The following DOCK1 variants were observed in gnomAD, a reference collection of about 807,000 sequenced individuals.
DOCK1 encodes dedicator of cytokinesis protein 1.
DOCK1 carries 138 observed loss-of-function variants against 262.7 expected under a neutral mutation model. That is an observed-to-expected ratio of 0.53 (90% CI 0.46 to 0.61). The LOEUF (loss-of-function observed/expected upper bound fraction) is 0.61. Ranked by LOEUF, DOCK1 falls within the 20% of genes least tolerant of loss-of-function variation. DOCK1 has a pLI of 0.00. For missense variants in DOCK1, 1,908 were observed against 2,370.7 expected (o/e 0.80, Z 4.05); for synonymous variants, 866 against 867.4 (o/e 1.00, Z 0.03).
intron 12 of DOCK1, 160 bp from the exon 13 acceptor site, chr10:127,018,550 C>T: frequency 9.0e-7 from 1 of 1,108,822 alleles, no homozygotes; most frequent in Non-Finnish European, 1.3e-6. Context: ...CCACGACAGG[C>T]ACCTTTTGCC....
chr10:127,329,797 G>A (rs912829723), intron 29 of DOCK1, among the ~76,000 whole-genome samples: 3 of 152,146 alleles, frequency 2.0e-5, no homozygotes, highest in Non-Finnish European at 4.4e-5. Flanking sequence ...AGGAGGTAGA[G>A]GCGAATAAGA....
chr10:126,947,081 T>C (rs934691678), intron 1 of DOCK1, among the ~76,000 whole-genome samples: 2 of 152,262 alleles, frequency 1.3e-5, no homozygotes, highest in African/African-American at 4.8e-5. Context: ...TCCTTCCTCC[T>C]GCTCTTTGCC....
chr10:127,223,700 G>A (rs572599257), intron 27 of DOCK1, among the ~76,000 whole-genome samples: 86 of 152,276 alleles, frequency 5.6e-4, no homozygotes, highest in African/African-American at 1.9e-3. Context: ...AAGACATCAA[G>A]CATCAAGTGA....
chr10:127,108,711 C>T (rs1270974507), intron 24 of DOCK1, among the ~76,000 whole-genome samples: 1 of 152,230 alleles, frequency 6.6e-6, no homozygotes, highest in African/African-American at 2.4e-5. Flanking sequence ...GCCGATCCAT[C>T]CCATGCTGGC....
chr10:127,283,983 C>T (rs2061057213), intron 29 of DOCK1, among the ~76,000 whole-genome samples: 1 of 152,106 alleles, frequency 6.6e-6, no homozygotes, highest in Non-Finnish European at 1.5e-5. Flanking sequence ...CGCCAGAATT[C>T]AATATTGTCT....
intron 19 of DOCK1, among the ~76,000 whole-genome samples, chr10:127,040,024 C>T (rs568875763): frequency 7.2e-5 from 11 of 152,244 alleles, no homozygotes; most frequent in African/African-American, 2.6e-4. Flanking sequence ...CGTGCAGCTC[C>T]ATCTCCCTGT....
At chr10:126,965,335 G>A (rs2037583621) in intron 1 of DOCK1, among the ~76,000 whole-genome samples, 1 of 152,186 alleles carries the variant, frequency 6.6e-6, no homozygotes. Flanking sequence ...AGGGCAGGTG[G>A]AGCCGAGGAG....
Position 127,043,086 on chromosome 10 carries a change from CT to C in DOCK1, c.2124del (p.Asp709IlefsTer23). ...DALVFIIGLI[A>X]DRKFQHFNPV... ...CAGGTATTTATCATTGGACTGATTG[CT>C]GATAGAAAATTTCAGCATTTTAATC... On this transcript the variant is annotated frameshift_variant, in exon 21 of 52. Transcript: ENST00000623213. LOFTEE classifies it high-confidence loss of function. The C allele has an allele frequency of 6.2e-7, 1 of 1,609,032 alleles. No homozygotes were observed. Among genetic ancestry groups the C allele is most frequent in the Non-Finnish European group, 8.5e-7 (1 of 1,177,332 alleles).
intron 27 of DOCK1, among the ~76,000 whole-genome samples, chr10:127,144,948 G>T (rs2133352998): frequency 6.6e-6 from 1 of 151,426 alleles, no homozygotes; most frequent in African/African-American, 2.4e-5. Flanking sequence ...TATGATTATA[G>T]TTTTTTTAAA....
At chr10:127,137,575 A>T in intron 27 of DOCK1, 1 of 365,138 alleles carries the variant, frequency 2.7e-6, no homozygotes, top group Non-Finnish European at 4.9e-6. Flanking sequence ...TTTACTTATC[A>T]TCTTTGACTA....
At chr10:127,136,903 C>T (rs900845161) in intron 27 of DOCK1, 3 of 152,594 alleles carry the variant, frequency 2.0e-5, no homozygotes, top group Admixed American at 6.5e-5. Flanking sequence ...AACAGTGTCT[C>T]GGAGGATCGA....
At chr10:126,951,235 A>T (rs1268798593) in intron 1 of DOCK1, among the ~76,000 whole-genome samples, 1 of 147,264 alleles carries the variant, frequency 6.8e-6, no homozygotes, top group Non-Finnish European at 1.5e-5. Context: ...TGATGGTGGT[A>T]GTATTGTTGG....
chr10:127,201,146 C>G (rs6482725), intron 27 of DOCK1, among the ~76,000 whole-genome samples: 24,806 of 152,298 alleles, frequency 0.16, 2,240 homozygotes, highest in African/African-American at 0.23. Flanking sequence ...CAGACACAAT[C>G]CTCAAGGTGC....
rs2066022703 is a variant in DOCK1, at chr10:127,384,927, A to G, written c.3927+18A>G. ...AAGGCAAGGTAAAACACAAAAAGCA[A>G]TTGTCCTTGTTTTCCTCTTTCCATG... On this transcript the variant is annotated intron_variant, in intron 38 of 51. Transcript: ENST00000623213. 6.4e-6 allele frequency: 10 copies of G among 1,570,098 alleles called. No individual in the cohort carries two copies. The highest frequency in any genetic ancestry group is 1.4e-5 in the African/African-American group (1 of 73,314).
chr10:127,450,747 A>AAGCC (rs1191180913), intron 51 of DOCK1, among the ~76,000 whole-genome samples: 1 of 152,166 alleles, frequency 6.6e-6, no homozygotes, highest in Non-Finnish European at 1.5e-5. Flanking sequence ...CCATGAGCTG[A>AAGCC]AGCCAGCCAG....
intron 46 of DOCK1, among the ~76,000 whole-genome samples, chr10:127,420,358 G>A (rs2068428227): frequency 2.0e-5 from 3 of 152,312 alleles, no homozygotes; most frequent in South Asian, 4.1e-4. Context: ...ATGCATCTGT[G>A]CTTCTCAGAG....
chr10:126,967,997 G>A (rs1045590719), intron 1 of DOCK1, among the ~76,000 whole-genome samples: 6 of 151,936 alleles, frequency 3.9e-5, no homozygotes, highest in African/African-American at 1.5e-4. Flanking sequence ...TGTAATTTTA[G>A]TAGAGACGGG....
rs569508186 is a variant in DOCK1 at position 127,159,400 on chromosome 10, C to T, written c.2847+31636C>T. ...AGCTACCTTATACCTTTATAATAATCGGCTCTAATTCTTCAGTTGTTACTA... is the reference window on the plus strand; with the variant it reads ...AGCTACCTTATACCTTTATAATAATTGGCTCTAATTCTTCAGTTGTTACTA... On this transcript the variant is annotated intron_variant, in intron 27 of 51. Transcript: ENST00000623213. Among the ~76,000 whole-genome samples the T allele has an allele frequency of 4.0e-3, 613 of 152,192 alleles. 1 individual carries two copies. The highest frequency in any genetic ancestry group is 7.2e-3 in the Admixed American group (110 of 15,282).
At chr10:126,921,558 C>A (rs1369242548) in intron 1 of DOCK1, among the ~76,000 whole-genome samples, 3 of 151,984 alleles carry the variant, frequency 2.0e-5, no homozygotes. Flanking sequence ...TAGGGGAGGG[C>A]GTGATGGGGA....
Sources: allele counts gnomAD v4.1 joint callset (sites outside exome capture counted in the v4.1 genomes callset), GRCh38; gene constraint gnomAD v4.1.1; transcripts MANE v1.5; gene names NCBI Gene and HGNC (gene_info 2026-07-23, HGNC 2026-07-21).